The following BABAM2 variants were observed in gnomAD, a reference collection of about 807,000 sequenced individuals.
The protein encoded by BABAM2 is BRISC and BRCA1-A complex member 2.
In BABAM2, 31 loss-of-function variants were observed where a neutral mutation model predicts 54.7. That is an observed-to-expected ratio of 0.57 (90% CI 0.43 to 0.77). The LOEUF (loss-of-function observed/expected upper bound fraction) is 0.77, where lower values mean the gene tolerates loss of function less well. BABAM2 is among the 30% of genes least tolerant of loss of function. BABAM2 has a pLI of 0.00. For synonymous variants in BABAM2, 167 were observed against 162.9 expected, an observed-to-expected ratio of 1.03 and a Z score of -0.19; for missense variants, 364 against 455.8, an observed-to-expected ratio of 0.80 and a Z score of 1.83.
At chr2:27,961,065 C>A (rs1238320760) in intron 3 of BABAM2, among the ~76,000 whole-genome samples, 1 of 151,956 alleles carries the variant, frequency 6.6e-6, no homozygotes, top group African/African-American at 2.4e-5. Context: ...CTCTTAGACA[C>A]TTTAGGAGTA....
At chr2:28,234,401 T>A (rs1048559619) in intron 7 of BABAM2, among the ~76,000 whole-genome samples, 1 of 152,098 alleles carries the variant, frequency 6.6e-6, no homozygotes, top group African/African-American at 2.4e-5. Context: ...TTACAGGTAA[T>A]TTTTGTCTAA....
chr2:28,309,109 C>G (rs573036056), intron 11 of BABAM2: 22 of 152,418 alleles, frequency 1.4e-4, no homozygotes, highest in African/African-American at 5.3e-4. Flanking sequence ...GATCTCACCC[C>G]TGAGGCTTAT....
At chr2:28,254,735 T>C (rs1421504458) in intron 10 of BABAM2, among the ~76,000 whole-genome samples, 1 of 148,548 alleles carries the variant, frequency 6.7e-6, no homozygotes, top group Non-Finnish European at 1.5e-5. Context: ...TCAATTTTTT[T>C]TTTTTTTTTT....
chr2:28,247,027 A>T (rs1473228722), intron 10 of BABAM2, among the ~76,000 whole-genome samples: 3 of 152,212 alleles, frequency 2.0e-5, no homozygotes, highest in Admixed American at 2.0e-4. Context: ...AGACATGCAG[A>T]ATTGAGTCCC....
chr2:28,300,905 A>C (rs1688051530), intron 11 of BABAM2, among the ~76,000 whole-genome samples: 1 of 152,246 alleles, frequency 6.6e-6, no homozygotes, highest in Non-Finnish European at 1.5e-5. Context: ...AGAGAAAGCC[A>C]GCAGCTCGTG....
intron 11 of BABAM2, among the ~76,000 whole-genome samples, chr2:28,320,375 T>C (rs948886427): frequency 6.6e-6 from 1 of 152,226 alleles, no homozygotes; most frequent in African/African-American, 2.4e-5. Context: ...TTCTTCTCTG[T>C]GACCTAGAAG....
At chr2:27,898,333 C>A (rs1026309710) in intron 2 of BABAM2, among the ~76,000 whole-genome samples, 2 of 152,110 alleles carry the variant, frequency 1.3e-5, no homozygotes, top group Non-Finnish European at 2.9e-5. Flanking sequence ...CTGCTAGGAA[C>A]AAACACATTA....
intron 4 of BABAM2, among the ~76,000 whole-genome samples, chr2:28,013,694 T>TACACAC (rs56148921): frequency 0.16 from 16,744 of 105,834 alleles, 1,607 homozygotes; most frequent in Non-Finnish European, 0.2. Flanking sequence ...AAAAAGCTCT[T>TACACAC]ACACACACAC....
intron 7 of BABAM2, among the ~76,000 whole-genome samples, chr2:28,216,615 G>A (rs984245861): frequency 5.3e-5 from 8 of 152,244 alleles, no homozygotes; most frequent in Admixed American, 6.5e-5. Context: ...ATCCAATATC[G>A]TACAGAGTGT....
chr2:28,151,529 C>T (rs563777614), intron 7 of BABAM2, among the ~76,000 whole-genome samples: 4 of 152,126 alleles, frequency 2.6e-5, no homozygotes, highest in African/African-American at 7.2e-5. Flanking sequence ...GAGCCGAGAT[C>T]GCGCCATTGC....
At chr2:28,218,285 C>T (rs894804433) in intron 7 of BABAM2, among the ~76,000 whole-genome samples, 4 of 152,200 alleles carry the variant, frequency 2.6e-5, no homozygotes, top group African/African-American at 7.2e-5. Flanking sequence ...TGACACAGTA[C>T]TATTATCTAA....
At chr2:28,327,297 C>T (rs1039307061) in intron 11 of BABAM2, 6 of 1,609,858 alleles carry the variant, frequency 3.7e-6, no homozygotes, top group Non-Finnish European at 4.2e-6. Context: ...AGCAGAGATG[C>T]CTGCAGCCCG....
chr2:27,941,105 C>T (rs995017801), intron 3 of BABAM2, among the ~76,000 whole-genome samples: 3 of 152,044 alleles, frequency 2.0e-5, no homozygotes, highest in African/African-American at 7.3e-5. Flanking sequence ...AGTTATATGG[C>T]CAGGATTTCT....
At chr2:28,026,701 T>C (rs1476635746) in intron 5 of BABAM2, among the ~76,000 whole-genome samples, 1 of 139,040 alleles carries the variant, frequency 7.2e-6, no homozygotes, top group Non-Finnish European at 1.5e-5. Flanking sequence ...CTGCACGTTC[T>C]TCACATGTAT....
intron 3 of BABAM2, among the ~76,000 whole-genome samples, chr2:27,936,925 G>A (rs1295967303): frequency 6.6e-6 from 1 of 151,722 alleles, no homozygotes; most frequent in Non-Finnish European, 1.5e-5. Context: ...TTGTGTACAT[G>A]TACCCTGAAA....
chr2:28,214,180 T>C (rs1179086472), intron 7 of BABAM2, among the ~76,000 whole-genome samples: 1 of 151,472 alleles, frequency 6.6e-6, no homozygotes, highest in Non-Finnish European at 1.5e-5. Flanking sequence ...TATGTATATG[T>C]GTGTGTGTGT....
intron 3 of BABAM2, among the ~76,000 whole-genome samples, chr2:27,966,177 A>G (rs1670830437): frequency 6.6e-6 from 1 of 151,558 alleles, no homozygotes; most frequent in African/African-American, 2.4e-5. Context: ...TAGATCCGTT[A>G]ATTTGTTAAG....
upstream of BABAM2, chr2:27,890,264 G>A: frequency 6.2e-7 from 1 of 1,613,592 alleles, no homozygotes. This position sits in a 1 kb window ranked among gnomAD's most constrained non-coding sequence, Gnocchi z 4.8. Context: ...AACCTGACCA[G>A]GTCGGTCATG....
chr2:28,138,594 A>G (rs7594162), intron 7 of BABAM2, among the ~76,000 whole-genome samples: 37,418 of 152,098 alleles, frequency 0.25, 4,806 homozygotes, highest in South Asian at 0.47. Context: ...TAGAATAGTC[A>G]TTATATCTTC....
Sources: gnomAD v4.1 joint callset for allele counts (sites outside exome capture counted in the v4.1 genomes callset) on GRCh38, gnomAD v4.1.1 for gene constraint, Gnocchi (gnomAD v3.1) non-coding constraint, MANE v1.5 for transcripts, NCBI Gene and HGNC (gene_info 2026-07-23, HGNC 2026-07-21) for gene names.